KIF18B: variants seen among roughly 807,000 people sequenced by gnomAD.
KIF18B encodes kinesin-like protein KIF18B.
KIF18B carries 49 observed loss-of-function variants against 80.9 expected under a neutral mutation model. That is an observed-to-expected ratio of 0.61 (90% CI 0.48 to 0.77). The LOEUF is 0.77. Among genes scored for constraint, KIF18B ranks in the 30% least tolerant of loss-of-function variants. The probability of loss-of-function intolerance (pLI) is 0.00; values close to 1 mark genes in which losing one functional copy is unlikely to be tolerated. For synonymous variants in KIF18B, 439 were observed against 463.9 expected, an observed-to-expected ratio of 0.95 and a Z score of 0.69; for missense variants, 994 against 1,127.7, an observed-to-expected ratio of 0.88 and a Z score of 1.70.
intron 15 of KIF18B, 53 bp from the exon 16 acceptor site, chr17:44,926,239 G>T (rs944257570): frequency 6.8e-6 from 11 of 1,608,020 alleles, no homozygotes; most frequent in Admixed American, 5.1e-5. Flanking sequence ...GGAAAGTGAC[G>T]CTCTGTCCCC....
rs73307499 is a variant in KIF18B at position 44,944,051 on chromosome 17, G to A, written c.-15+3577C>T. On this transcript the variant is annotated intron_variant, in intron 1 of 15. Coordinates refer to ENST00000593135, the MANE Select transcript of KIF18B (RefSeq NM_001265577.2). Reference sequence around the variant, plus strand: ...TGTATTTCTGTGCCTAATGGGATATGTTTGCTCTTTAAATCTCTAAATGTG... The same window carrying A: ...TGTATTTCTGTGCCTAATGGGATATATTTGCTCTTTAAATCTCTAAATGTG... Among the ~76,000 whole-genome samples, 479 of 152,262 alleles carry A rather than the reference G, an allele frequency of 3.1e-3. 3 individuals carry two copies. Among genetic ancestry groups the A allele is most frequent in the African/African-American group, 0.011 (450 of 41,534 alleles).
Position 44,935,312 on chromosome 17 carries a change from GGC to G in KIF18B, c.416_417del (p.Arg139ProfsTer21). ...TGCTTCTCCTGCTGGCGGGCCTCCA[GGC>G]GCCTGTACAGTTCCACGGTGGTCAG... is the stretch of plus-strand genomic sequence containing the variant. ...MYLTTVELYR[R>X]LEARQQEKHF... On this transcript the variant is annotated frameshift_variant, in exon 3 of 16. Transcript: ENST00000593135. LOFTEE classifies it high-confidence loss of function. The G allele has an allele frequency of 1.2e-6, 2 of 1,612,244 alleles. No homozygotes were observed. Among genetic ancestry groups the G allele is most frequent in the Non-Finnish European group, 1.7e-6 (2 of 1,178,858 alleles).
chr17:44,931,936 G>A (rs1001618189), intron 10 of KIF18B, 120 bp downstream of exon 10: 42 of 1,231,222 alleles, frequency 3.4e-5, no homozygotes, highest in Non-Finnish European at 4.7e-5. Flanking sequence ...TGACTAAGGT[G>A]CAAGACATCC....
Position 44,934,759 on chromosome 17 carries a change from C to A in KIF18B, c.576+72G>T. ...ACCACCATCACAGGACCCAGGGCAT[C>A]CCCAAACAGTTTTGTGAGGGAACCC... On this transcript the variant is annotated intron_variant, in intron 4 of 15. Transcript: ENST00000593135. The surrounding 1 kb of genome is among the most constrained non-coding windows in gnomAD (Gnocchi z 5.4). The A allele has an allele frequency of 7.6e-7, 1 of 1,320,448 alleles. No homozygotes were observed. The highest frequency in any genetic ancestry group is 1.0e-6 in the Non-Finnish European group (1 of 954,800). 81.8% of individuals were successfully genotyped at this position (1,320,448 alleles called of 1,614,324 possible). A position where few individuals can be genotyped will look rare whatever the true frequency, so the allele number is the denominator to read the frequency against.
At chr17:44,929,104 A>C in intron 11 of KIF18B, 80 bp from the exon 12 acceptor site, 1 of 1,259,734 alleles carries the variant, frequency 7.9e-7, no homozygotes, top group Non-Finnish European at 1.1e-6. Context: ...ACCTGTCCTC[A>C]TCACTCCAGC....
Position 44,934,299 on chromosome 17 carries a change from C to A in KIF18B, c.819G>T (p.Glu273Asp). Residue 273 changes from glutamate (E) to aspartate (D), a missense_variant, in exon 6 of 16, where the codon GAG (glutamate) becomes GAT (aspartate). Glu to Asp is a conservative substitution (Grantham distance 45, BLOSUM62 2). Coordinates refer to ENST00000593135, the MANE Select transcript of KIF18B (RefSeq NM_001265577.2). The surrounding 1 kb of genome is among the most constrained non-coding windows in gnomAD (Gnocchi z 5.4). The part of the protein sequence containing the change: ...STHAKGERLR[E>D]GANINRSLLA... ...GCAGAGAGCGGTTGATGTTGGCCCC[C>A]TCCCGCAGCCGCTCCCCCTTCGCAT... 6.2e-7 allele frequency: 1 copy of A among 1,612,518 alleles called. No homozygotes were observed. Among genetic ancestry groups the A allele is most frequent in the Non-Finnish European group, 8.5e-7 (1 of 1,179,438 alleles).
At chr17:44,946,347 A>G (rs1159245500) in intron 1 of KIF18B, among the ~76,000 whole-genome samples, 1 of 152,218 alleles carries the variant, frequency 6.6e-6, no homozygotes, top group East Asian at 1.9e-4. Flanking sequence ...GGGAAATTCA[A>G]TAATGAAATG....
At chr17:44,946,476 T>A (rs1023687154) in intron 1 of KIF18B, among the ~76,000 whole-genome samples, 1 of 152,224 alleles carries the variant, frequency 6.6e-6, no homozygotes, top group Admixed American at 6.5e-5. Context: ...TCCTCTAAAC[T>A]AGGCTTAACT....
rs980948716 is a variant in KIF18B, at chr17:44,935,309, C to T, written c.421G>A (p.Glu141Lys). The T allele has an allele frequency of 2.5e-6, 4 of 1,612,226 alleles. No homozygotes were observed. Among genetic ancestry groups the T allele is most frequent in the Admixed American group, 1.7e-5 (1 of 59,896 alleles). ...AAGTGCTTCTCCTGCTGGCGGGCCT[C>T]CAGGCGCCTGTACAGTTCCACGGTG... ...LTTVELYRRL[E>K]ARQQEKHFEV... Residue 141 changes from glutamate (E) to lysine (K), a missense_variant, in exon 3 of 16, where the codon GAG becomes AAG. Physicochemically the swap from Glu to Lys is moderately conservative, Grantham distance 56 (BLOSUM62 1). Transcript: ENST00000593135.
chr17:44,936,626 T>A (rs868536755), intron 1 of KIF18B, among the ~76,000 whole-genome samples: 594 of 15,788 alleles, frequency 0.038, 1 homozygote, highest in South Asian at 0.047. Flanking sequence ...ATATATATAT[T>A]TTTTTTTTTT....
intron 1 of KIF18B, among the ~76,000 whole-genome samples, chr17:44,937,671 T>C (rs2052335756): frequency 1.3e-5 from 2 of 152,194 alleles, no homozygotes; most frequent in Admixed American, 6.5e-5. Flanking sequence ...GTTTTCTAAG[T>C]ATACAATTAT....
Position 44,928,232 on chromosome 17 carries a change from GC to G in KIF18B, c.2069del (p.Cys690SerfsTer60). 1 of 1,613,472 alleles carries G rather than the reference GC, an allele frequency of 6.2e-7. No homozygotes were observed. On this transcript the variant is annotated frameshift_variant, in exon 13 of 16. Transcript: ENST00000593135. LOFTEE classifies it high-confidence loss of function. ...CCCGGCTTTTGATGACTGTGGCTGG[GC>G]AAACGCGAGGGGAATGGCAGGGGGA... ...ASSPCHSPRVCPATVIKSRVP... is the reference protein window; with the variant it reads ...ASSPCHSPRVXPATVIKSRVP...
chr17:44,936,428 C>A, intron 1 of KIF18B, 70 bp from the exon 2 acceptor site: 1 of 1,353,530 alleles, frequency 7.4e-7, no homozygotes, highest in South Asian at 1.3e-5. Flanking sequence ...CTCAGTACTC[C>A]AAGGTCCCCT....
chr17:44,945,533 T>G (rs1385361789), intron 1 of KIF18B, among the ~76,000 whole-genome samples: 1 of 152,230 alleles, frequency 6.6e-6, no homozygotes, highest in East Asian at 1.9e-4. Flanking sequence ...TTATAAATAG[T>G]ATTTTTATAA....
intron 11 of KIF18B, among the ~76,000 whole-genome samples, chr17:44,930,557 G>T (rs896984630): frequency 6.6e-6 from 1 of 152,226 alleles, no homozygotes; most frequent in Non-Finnish European, 1.5e-5. Context: ...CGATCTGGCT[G>T]TTAGGACGTT....
At chr17:44,939,841 G>A (rs1390373764) in intron 1 of KIF18B, among the ~76,000 whole-genome samples, 1 of 151,648 alleles carries the variant, frequency 6.6e-6, no homozygotes, top group East Asian at 1.9e-4. Flanking sequence ...TTTAGACTGA[G>A]TCTCGCTATC....
At chr17:44,939,872 G>T (rs966372826) in intron 1 of KIF18B, among the ~76,000 whole-genome samples, 1 of 152,066 alleles carries the variant, frequency 6.6e-6, no homozygotes, top group Admixed American at 6.5e-5. Context: ...GAGTGCAGTG[G>T]CACGATCTTG....
rs748971372 is a variant in KIF18B at position 44,927,687 on chromosome 17, T to C, written c.2276+339A>G. The stretch of plus-strand genomic sequence containing the variant: ...TGCAGCCCAGGCCAAAGAGCCCAAG[T>C]AAAGAGAGGAACAGAAGTGTTGGGT... On this transcript the variant is annotated intron_variant, in intron 13 of 15. Coordinates refer to ENST00000593135, the MANE Select transcript of KIF18B (RefSeq NM_001265577.2). The surrounding 1 kb of genome is among the most constrained non-coding windows in gnomAD (Gnocchi z 4.1). Among the ~76,000 whole-genome samples, 3 of 152,204 alleles carry C rather than the reference T, an allele frequency of 2.0e-5. No individual in the cohort carries two copies. Among genetic ancestry groups the C allele is most frequent in the Non-Finnish European group, 4.4e-5 (3 of 68,024 alleles).
chr17:44,935,578 T>C (rs1320005413), intron 2 of KIF18B, among the ~76,000 whole-genome samples, 162 bp from the exon 3 acceptor site: 5 of 152,186 alleles, frequency 3.3e-5, no homozygotes, highest in African/African-American at 1.2e-4. Flanking sequence ...GAGTTCTCTG[T>C]GTGTTTGTTC....
Sources: gnomAD v4.1 joint callset for allele counts (sites outside exome capture counted in the v4.1 genomes callset) on GRCh38, gnomAD v4.1.1 for gene constraint, Gnocchi (gnomAD v3.1) non-coding constraint, MANE v1.5 for transcripts, NCBI Gene and HGNC (gene_info 2026-07-23, HGNC 2026-07-21) for gene names.